NSMCE2: variants seen among roughly 807,000 people sequenced by gnomAD.
NSMCE2 encodes the protein E3 SUMO-protein ligase NSE2.
A neutral mutation model predicts 23.8 loss-of-function variants in NSMCE2; 24 were observed. That is an observed-to-expected ratio of 1.01 (90% confidence interval 0.73 to 1.42). The LOEUF is 1.42. Among genes scored for constraint, NSMCE2 ranks in the 40% most tolerant of loss-of-function variants. NSMCE2 has a pLI of 0.00. For synonymous variants in NSMCE2, 92 were observed against 94.1 expected (o/e 0.98, Z 0.13); for missense variants, 284 against 296.5 (o/e 0.96, Z 0.31).
intron 5 of NSMCE2, among the ~76,000 whole-genome samples, chr8:125,187,633 C>A (rs546158074): frequency 6.6e-6 from 1 of 152,220 alleles, no homozygotes; most frequent in African/African-American, 2.4e-5. Context: ...TTACCTGTTA[C>A]GTGACTATCA....
Position 125,274,681 on chromosome 8 carries a change from G to A in NSMCE2, c.419-82538G>A, listed in dbSNP as rs1313790883. Among the ~76,000 whole-genome samples the A allele has an allele frequency of 2.6e-5, 4 of 152,146 alleles. No homozygotes were observed. The East Asian group carries it at 7.7e-4, about 29-fold the overall frequency. ...ACGGTGGCTCATGCTGGTAATCCCA[G>A]CACTTTGGGAGGCCAAGGCAGGCAG... On this transcript the variant is annotated intron_variant, in intron 5 of 7. Coordinates refer to ENST00000287437, the MANE Select transcript of NSMCE2 (RefSeq NM_173685.4).
At chr8:125,267,332 T>C (rs749038566) in intron 5 of NSMCE2, among the ~76,000 whole-genome samples, 19 of 152,116 alleles carry the variant, frequency 1.2e-4, no homozygotes, top group Non-Finnish European at 2.8e-4. Flanking sequence ...AAATATATGT[T>C]CTCTTTATTG....
intron 5 of NSMCE2, among the ~76,000 whole-genome samples, chr8:125,320,368 GAACCCACAGTTTTCAGATTTCACA>G (rs1829405408): frequency 6.6e-6 from 1 of 151,826 alleles, no homozygotes; most frequent in Non-Finnish European, 1.5e-5. Flanking sequence ...TGAAAACTGT[GAACCCACAGTTTTCAGATTTCACA>G]AACCCTCAAA....
chr8:125,191,409 GA>G (rs202132273), intron 5 of NSMCE2, among the ~76,000 whole-genome samples: 31 of 149,078 alleles, frequency 2.1e-4, no homozygotes, highest in African/African-American at 3.9e-4. Context: ...TCATTTCTTG[GA>G]AAAAAAAAAT....
At chr8:125,133,668 TGGGA>T (rs1190706264) in intron 3 of NSMCE2, among the ~76,000 whole-genome samples, 1 of 151,586 alleles carries the variant, frequency 6.6e-6, no homozygotes, top group African/African-American at 2.4e-5. Context: ...TGCTTGAACC[TGGGA>T]GGCAGAGGTT....
At chr8:125,304,056 A>C (rs977699554) in intron 5 of NSMCE2, among the ~76,000 whole-genome samples, 1 of 152,226 alleles carries the variant, frequency 6.6e-6, no homozygotes, top group East Asian at 1.9e-4. Flanking sequence ...TATTCTCTAC[A>C]TAAGATATTA....
In NSMCE2 at chr8:125,232,898, C is replaced by A. The variant is rs543220484; in HGVS notation, c.418+50642C>A. The stretch of plus-strand genomic sequence containing the variant: ...GTTATGTGAATGAGTTATTCTCTGA[C>A]AGGAACTAGCAGGTAAACAGGATAT... On this transcript the variant is annotated intron_variant, in intron 5 of 7. Transcript: ENST00000287437. 9.2e-5 allele frequency among the ~76,000 whole-genome samples: 14 copies of A among 152,298 alleles called. No individual in the cohort carries two copies. In the South Asian group the frequency reaches 2.9e-3, roughly 32 times the overall value.
intron 3 of NSMCE2, among the ~76,000 whole-genome samples, chr8:125,137,779 T>C (rs1820147534): frequency 6.6e-6 from 1 of 152,204 alleles, no homozygotes; most frequent in South Asian, 2.1e-4. Flanking sequence ...CTTATTACTA[T>C]ATGACTTTAG....
chr8:125,157,661 A>G (rs1821395495), intron 4 of NSMCE2, among the ~76,000 whole-genome samples: 1 of 152,202 alleles, frequency 6.6e-6, no homozygotes, highest in Non-Finnish European at 1.5e-5. Context: ...TAATCTAGAT[A>G]TAAAATTTCT....
At chr8:125,294,717 ATAAAG>A (rs1359593259) in intron 5 of NSMCE2, among the ~76,000 whole-genome samples, 5 of 152,222 alleles carry the variant, frequency 3.3e-5, no homozygotes, top group Admixed American at 1.3e-4. Flanking sequence ...GTGAAAAAAC[ATAAAG>A]TAAAATGACA....
chr8:125,322,309 A>T (rs1389557852), intron 5 of NSMCE2, among the ~76,000 whole-genome samples: 1 of 152,210 alleles, frequency 6.6e-6, no homozygotes, highest in Non-Finnish European at 1.5e-5. Flanking sequence ...TGGAGGTGAC[A>T]GTGAGTTATC....
rs190597509 is a variant in NSMCE2 at position 125,173,699 on chromosome 8, A to G, written c.265-8404A>G. Among the ~76,000 whole-genome samples the G allele has an allele frequency of 5.3e-5, 8 of 152,318 alleles. No homozygotes were observed. In the East Asian group the frequency reaches 1.2e-3, roughly 22 times the overall value. ...ATATTCAGAATATGTGTCTTTTCAT[A>G]TGAAGACTGACAAGTGACCACTGAA... On this transcript the variant is annotated intron_variant, in intron 4 of 7. Transcript: ENST00000287437.
At chr8:125,316,732 T>TTTCCTTCCTTCGTTCC (rs1829217031) in intron 5 of NSMCE2, among the ~76,000 whole-genome samples, 1 of 102,438 alleles carries the variant, frequency 9.8e-6, no homozygotes, top group African/African-American at 4.6e-5. Context: ...CTTTCCTTCT[T>TTTCCTTCCTTCGTTCC]TTCCTTCCTT....
intron 5 of NSMCE2, among the ~76,000 whole-genome samples, chr8:125,305,123 T>C (rs553518616): frequency 6.6e-6 from 1 of 152,208 alleles, no homozygotes; most frequent in South Asian, 2.1e-4. Flanking sequence ...GCTTCAGAGG[T>C]TGGATAAATG....
intron 7 of NSMCE2, among the ~76,000 whole-genome samples, chr8:125,359,537 T>C (rs1056807698): frequency 1.3e-5 from 2 of 152,030 alleles, no homozygotes; most frequent in African/African-American, 4.8e-5. Context: ...TTCTCCATGT[T>C]GGCCAGGCTG....
At chr8:125,298,316 G>T (rs186134006) in intron 5 of NSMCE2, among the ~76,000 whole-genome samples, 188 of 152,298 alleles carry the variant, frequency 1.2e-3, no homozygotes, top group African/African-American at 4.3e-3. Flanking sequence ...CAAGTACTTT[G>T]TTTAAGTTAA....
chr8:125,278,673 G>A (rs1478128698), intron 5 of NSMCE2, among the ~76,000 whole-genome samples: 2 of 152,160 alleles, frequency 1.3e-5, no homozygotes, highest in Admixed American at 6.5e-5. Context: ...TTTTGCTTTG[G>A]TCAAGAGGGT....
intron 5 of NSMCE2, among the ~76,000 whole-genome samples, chr8:125,272,488 G>A (rs1230695260): frequency 6.6e-6 from 1 of 150,622 alleles, no homozygotes; most frequent in Non-Finnish European, 1.5e-5. Context: ...CGGCACATGG[G>A]GACAGGAGGA....
chr8:125,333,717 T>G (rs1829969508), intron 5 of NSMCE2, among the ~76,000 whole-genome samples: 1 of 151,304 alleles, frequency 6.6e-6, no homozygotes, highest in South Asian at 2.1e-4. Flanking sequence ...GTTTCACCAT[T>G]TTAGCCGGGA....
Sources: gnomAD v4.1 joint callset for allele counts (sites outside exome capture counted in the v4.1 genomes callset) on GRCh38, gnomAD v4.1.1 for gene constraint, MANE v1.5 for transcripts, NCBI Gene and HGNC (gene_info 2026-07-23, HGNC 2026-07-21) for gene names.